SYT17: variants seen among roughly 807,000 people sequenced by gnomAD.
The protein encoded by SYT17 is synaptotagmin 17, also known as synaptotagmin-17.
Under a neutral mutation model 46.7 loss-of-function variants are expected in SYT17, and 22 were observed. The observed-to-expected ratio is 0.47, with a 90% CI of 0.34 to 0.67. The LOEUF (loss-of-function observed/expected upper bound fraction) is 0.67, where lower values mean the gene tolerates loss of function less well. SYT17 is among the 30% of genes least tolerant of loss of function. The pLI is 0.01. For missense variants in SYT17, 519 were observed against 612.8 expected (o/e 0.85, Z 1.62); for synonymous variants, 251 against 248.4 (o/e 1.01, Z -0.10).
intron 7 of SYT17, among the ~76,000 whole-genome samples, chr16:19,241,854 C>T (rs906239786): frequency 2.6e-5 from 4 of 152,158 alleles, no homozygotes; most frequent in Non-Finnish European, 4.4e-5. Context: ...GCCTTGGGCA[C>T]GTGGGGCACA....
rs1170893394 is a variant in SYT17, at chr16:19,173,044, AT to A, written c.33+273del. The A allele has an allele frequency of 5.4e-5, 31 of 577,178 alleles. 1 individual carries two copies. Among genetic ancestry groups the A allele is most frequent in the African/African-American group, 7.5e-5 (4 of 53,278 alleles). The allele number at this position is 577,178 out of a possible 1,614,324, so 35.8% of individuals were successfully genotyped here. ...CATGTCACCGAGATTTTTTAAAAATATTTTTTCCCCTGCTTTCAAGAAGACA... is the reference window on the plus strand; with the variant it reads ...CATGTCACCGAGATTTTTTAAAAATATTTTTCCCCTGCTTTCAAGAAGACA... On this transcript the variant is annotated intron_variant, in intron 2 of 7. Coordinates refer to ENST00000355377, the MANE Select transcript of SYT17 (RefSeq NM_016524.4).
intron 7 of SYT17, among the ~76,000 whole-genome samples, chr16:19,261,055 G>A (rs1052773229): frequency 1.3e-5 from 2 of 152,006 alleles, no homozygotes; most frequent in Admixed American, 6.6e-5. Context: ...TGCCCAAGCT[G>A]GTCTCGAACT....
At chr16:19,201,659 G>A (rs2142739696) in intron 5 of SYT17, among the ~76,000 whole-genome samples, 1 of 142,732 alleles carries the variant, frequency 7.0e-6, no homozygotes, top group Non-Finnish European at 1.5e-5. Context: ...AGCTACAAGG[G>A]ATGCCCCTGC....
intron 7 of SYT17, among the ~76,000 whole-genome samples, chr16:19,240,025 C>G (rs1184325904): frequency 6.6e-6 from 1 of 152,186 alleles, no homozygotes; most frequent in Non-Finnish European, 1.5e-5. Flanking sequence ...CAGTGGTGCC[C>G]AGAAGCTTGG....
intron 5 of SYT17, among the ~76,000 whole-genome samples, chr16:19,200,430 AT>A (rs1965416849): frequency 6.6e-6 from 1 of 152,206 alleles, no homozygotes; most frequent in Non-Finnish European, 1.5e-5. Context: ...TTTTACATTC[AT>A]TTTTCACACT....
chr16:19,223,015 C>A (rs1265222351), intron 5 of SYT17, 30 bp from the exon 6 acceptor site: 12 of 1,612,490 alleles, frequency 7.4e-6, no homozygotes, highest in Non-Finnish European at 9.3e-6. Context: ...AAGGAGAAGG[C>A]AACTTCCTGA....
chr16:19,196,325 C>T (rs932845906), intron 5 of SYT17, among the ~76,000 whole-genome samples: 2 of 151,842 alleles, frequency 1.3e-5, no homozygotes, highest in Non-Finnish European at 2.9e-5. Context: ...TCACTGCAAC[C>T]TCCGCCTCCC....
chr16:19,265,566 T>G (rs759577366), intron 7 of SYT17, among the ~76,000 whole-genome samples: 1 of 152,246 alleles, frequency 6.6e-6, no homozygotes, highest in Non-Finnish European at 1.5e-5. Context: ...AGCTCTGTTT[T>G]TGGCAGCATA....
Position 19,223,048 on chromosome 16 carries a change from G to A in SYT17, c.955G>A (p.Glu319Lys). The A allele has an allele frequency of 6.2e-7, 1 of 1,613,996 alleles. No homozygotes were observed. The highest frequency in any genetic ancestry group is 8.5e-7 in the Non-Finnish European group (1 of 1,179,904). Residue 319 changes from glutamate to lysine, a missense_variant, in exon 6 of 8, where the codon GAA becomes AAA. Coordinates refer to ENST00000355377, the MANE Select transcript of SYT17 (RefSeq NM_016524.4). ...WKALIPSSQN[E>K]VELGELLLSL... ...TGATCATTTCCTTTCTCTACAGAAT[G>A]AAGTGGAGCTGGGGGAGCTGCTTCT...
chr16:19,249,912 A>G, intron 7 of SYT17: 1 of 1,534,198 alleles, frequency 6.5e-7, no homozygotes, highest in Non-Finnish European at 8.7e-7. Flanking sequence ...TGTCCCCAGC[A>G]GATTCACCAA....
intron 5 of SYT17, among the ~76,000 whole-genome samples, chr16:19,221,456 A>G (rs1966314888): frequency 6.6e-6 from 1 of 152,218 alleles, no homozygotes; most frequent in African/African-American, 2.4e-5. Flanking sequence ...TGAATTGTAT[A>G]ATAATTAACA....
intron 1 of SYT17, among the ~76,000 whole-genome samples, chr16:19,169,034 G>A (rs934622572): frequency 2.0e-5 from 3 of 151,936 alleles, no homozygotes; most frequent in African/African-American, 7.2e-5. Context: ...CGGCCCGCCA[G>A]CTGCCGTTGC....
At chr16:19,184,277 A>C in intron 5 of SYT17, 130 bp downstream of exon 5, 1 of 1,289,388 alleles carries the variant, frequency 7.8e-7, no homozygotes, top group Non-Finnish European at 1.0e-6. Flanking sequence ...TTTTTGACTC[A>C]CAAGAGGTTG....
chr16:19,180,564 T>C, intron 4 of SYT17, 25 bp downstream of exon 4: 1 of 1,612,352 alleles, frequency 6.2e-7, no homozygotes, highest in Non-Finnish European at 8.5e-7. Context: ...TTTACCTTTC[T>C]GGGGGCCCTG....
At chr16:19,185,146 C>T (rs915580053) in intron 5 of SYT17, among the ~76,000 whole-genome samples, 4 of 152,034 alleles carry the variant, frequency 2.6e-5, no homozygotes, top group Non-Finnish European at 5.9e-5. Flanking sequence ...TCTTCCCTCC[C>T]TTTCTCCCTC....
intron 5 of SYT17, among the ~76,000 whole-genome samples, chr16:19,215,295 G>C (rs1371149537): frequency 6.6e-6 from 1 of 152,216 alleles, no homozygotes; most frequent in East Asian, 1.9e-4. Flanking sequence ...GGAGAAACCA[G>C]TATTGTCTTT....
intron 7 of SYT17, among the ~76,000 whole-genome samples, chr16:19,260,066 C>T (rs1387621496): frequency 6.6e-6 from 1 of 152,002 alleles, no homozygotes; most frequent in Non-Finnish European, 1.5e-5. Flanking sequence ...TGGTTATTAT[C>T]TAAAGACCTG....
At chr16:19,241,635 TC>T (rs1307352887) in intron 7 of SYT17, among the ~76,000 whole-genome samples, 4 of 152,208 alleles carry the variant, frequency 2.6e-5, no homozygotes, top group African/African-American at 9.6e-5. Flanking sequence ...CTCAGCCCAG[TC>T]CCATTGCAGT....
At chr16:19,253,729 C>CT (rs967915685) in intron 7 of SYT17, among the ~76,000 whole-genome samples, 6 of 151,510 alleles carry the variant, frequency 4.0e-5, no homozygotes, top group Admixed American at 6.6e-5. Flanking sequence ...TTTCAATTCT[C>CT]TTTTTTTTTC....
Sources: gnomAD v4.1 joint callset for allele counts (sites outside exome capture counted in the v4.1 genomes callset) on GRCh38, gnomAD v4.1.1 for gene constraint, MANE v1.5 for transcripts, NCBI Gene and HGNC (gene_info 2026-07-23, HGNC 2026-07-21) for gene names.